Variants in AP1G2 observed in about 807,000 individuals in gnomAD.
AP1G2 encodes the protein adaptor related protein complex 1 subunit gamma 2, also known as AP-1 complex subunit gamma-like 2.
AP1G2 carries 85 observed loss-of-function variants against 95.8 expected under a neutral mutation model. The ratio of observed to expected loss-of-function variants is 0.89; its 90% CI spans 0.74 to 1.06. The LOEUF (loss-of-function observed/expected upper bound fraction) is 1.06. AP1G2 is among the 50% of genes least tolerant of loss of function. The pLI is 0.00. For missense variants in AP1G2, 967 were observed against 1,005.8 expected (o/e 0.96, Z 0.52); for synonymous variants, 378 against 400.0 (o/e 0.94, Z 0.66).
intron 6 of AP1G2, 54 bp downstream of exon 6, chr14:23,565,762 C>A: frequency 6.2e-7 from 1 of 1,608,314 alleles, no homozygotes; most frequent in South Asian, 1.1e-5. Context: ...AGCCCCATTC[C>A]TTCCCCACTG....
chr14:23,561,472 T>G, intron 18 of AP1G2, 40 bp downstream of exon 18: 1 of 1,614,068 alleles, frequency 6.2e-7, no homozygotes, highest in Non-Finnish European at 8.5e-7. Context: ...GGTATGAAGC[T>G]CAGCCCGTCT....
Position 23,566,397 on chromosome 14 carries a change from G to C in AP1G2, c.352C>G (p.Pro118Ala). 1 of 1,613,896 alleles carries C rather than the reference G, an allele frequency of 6.2e-7. No individual in the cohort carries two copies. The highest frequency in any genetic ancestry group is 1.3e-5 in the African/African-American group (1 of 75,050). The change falls in exon 4 of 22, where the codon CCA (proline) becomes GCA (alanine). Residue 118 changes from proline (P) to alanine (A), a missense_variant. Physicochemically the swap from Pro to Ala is conservative, Grantham distance 27 (BLOSUM62 -1). Transcript: ENST00000397120. Reference protein sequence around the residue: ...IKNDLSQGIQPVQGLALCTLS... With the variant: ...IKNDLSQGIQAVQGLALCTLS... ...GTGCACAAGGCCAGGCCTTGTACTG[G>C]CTGAATCCCCTGGCTCAGGTCACTG...
chr14:23,564,930 C>A, intron 8 of AP1G2, 189 bp downstream of exon 8: 1 of 661,518 alleles, frequency 1.5e-6, no homozygotes, highest in Non-Finnish European at 2.6e-6. Context: ...TACTATGTGC[C>A]AGGGCCAGCC....
rs541567290 is a variant in AP1G2 at position 23,562,325 on chromosome 14, G to A, written c.1591C>T (p.Leu531Phe). ...PATRGYALTALMKLSTRLCGD... is the reference protein window; with the variant it reads ...PATRGYALTAFMKLSTRLCGD... ...CAGAGGCGAGTGCTGAGCTTCATGA[G>A]GGCTGTGAGGGCATATCCTCGAGTG... The change falls in exon 16 of 22, where the codon CTC becomes TTC. Residue 531 changes from leucine to phenylalanine, a missense_variant. Coordinates refer to ENST00000397120, the MANE Select transcript of AP1G2 (RefSeq NM_003917.5). 1.2e-6 allele frequency: 2 copies of A among 1,614,228 alleles called. No individual in the cohort carries two copies. The highest frequency in any genetic ancestry group is 2.2e-5 in the South Asian group (2 of 91,088).
chr14:23,565,368 G>T, intron 7 of AP1G2, 169 bp from the exon 8 acceptor site: 1 of 758,428 alleles, frequency 1.3e-6, no homozygotes, highest in Non-Finnish European at 2.2e-6. Flanking sequence ...AGGTGTGTGA[G>T]GCCAGGGGAG....
chr14:23,563,807 C>T lies in AP1G2; in HGVS notation c.1141G>A (p.Ala381Thr). The change falls in exon 12 of 22, where the codon GCC becomes ACC. Residue 381 changes from alanine to threonine, a missense_variant. By Grantham distance (58) the Ala-to-Thr change is moderately conservative (BLOSUM62 0). Coordinates refer to ENST00000397120, the MANE Select transcript of AP1G2 (RefSeq NM_003917.5). ...AAGGCCTGCAGCTCTTGCATCATGGCTCGCACATTGGAGCTATTTACCAGA... is the reference window on the plus strand; with the variant it reads ...AAGGCCTGCAGCTCTTGCATCATGGTTCGCACATTGGAGCTATTTACCAGA... ...LALVNSSNVRAMMQELQAFLE... is the reference protein window; with the variant it reads ...LALVNSSNVRTMMQELQAFLE... 1.2e-6 allele frequency: 2 copies of T among 1,614,186 alleles called. No individual in the cohort carries two copies. The highest frequency in any genetic ancestry group is 1.1e-5 in the South Asian group (1 of 91,088).
rs761200974 is a variant in AP1G2, at chr14:23,559,980, G to A, written c.2214C>T (p.Gly738=). 1.2e-6 allele frequency: 2 copies of A among 1,612,944 alleles called. No individual in the cohort carries two copies. The highest frequency in any genetic ancestry group is 2.7e-5 in the African/African-American group (2 of 74,896). ...TTCTGAAGAGCTGGGTGATAGGAAG[G>A]CCACCCCGAGCTGGAACTGTGTTCC... The part of the protein sequence containing the change: ...PSGNTVPARG[G]LPITQLFRIL... The change falls in exon 21 of 22, where the codon GGC becomes GGT. Residue 738 remains glycine (G), a synonymous_variant. Coordinates refer to ENST00000397120, the MANE Select transcript of AP1G2 (RefSeq NM_003917.5).
chr14:23,565,078 C>A lies in AP1G2; in HGVS notation c.822+41G>T, dbSNP rs775196525. ...GAGGGGCACCCAGGGCTGATGGGGT[C>A]TCCAAGCAACACAGCTAACCAGTGC... is the stretch of plus-strand genomic sequence containing the variant. On this transcript the variant is annotated intron_variant, in intron 8 of 21. Coordinates refer to ENST00000397120, the MANE Select transcript of AP1G2 (RefSeq NM_003917.5). 1.9e-6 allele frequency: 3 copies of A among 1,604,946 alleles called. No individual in the cohort carries two copies. The Admixed American group carries it at 5.0e-5, about 27-fold the overall frequency.
chr14:23,565,256 G>T, intron 7 of AP1G2, 57 bp from the exon 8 acceptor site: 1 of 1,553,988 alleles, frequency 6.4e-7, no homozygotes, highest in Non-Finnish European at 8.8e-7. Context: ...GGAGTCGTGG[G>T]GCTGAGGAGA....
Position 23,559,733 on chromosome 14 carries a change from CTG to C in AP1G2, c.*14_*15del, listed in dbSNP as rs1432967757. 4 of 1,613,074 alleles carry C rather than the reference CTG, an allele frequency of 2.5e-6. No homozygotes were observed. The highest frequency in any genetic ancestry group is 3.4e-6 in the Non-Finnish European group (4 of 1,179,422). Reference sequence around the variant, plus strand: ...GTTTGGGACACAGGAGAATTTCAGGCTGTGAGTGGAGACAGTTACTGCCACGA... The same window carrying C: ...GTTTGGGACACAGGAGAATTTCAGGCTGAGTGGAGACAGTTACTGCCACGA... On this transcript the variant is annotated 3_prime_UTR_variant, in exon 22 of 22. Transcript: ENST00000397120.
In AP1G2 at chr14:23,567,016, A is replaced by G; in HGVS notation, c.204+95T>C. On this transcript the variant is annotated intron_variant, in intron 2 of 21. Transcript: ENST00000397120. The surrounding 1 kb of genome is among the most constrained non-coding windows in gnomAD (Gnocchi z 5.3). ...GCTGTGAAGACTCTGAAATTGTAGAATTTAAAAAACCAGGGCATAAACAGG... is the reference window on the plus strand; with the variant it reads ...GCTGTGAAGACTCTGAAATTGTAGAGTTTAAAAAACCAGGGCATAAACAGG... 8.9e-6 allele frequency: 12 copies of G among 1,344,738 alleles called. No individual in the cohort carries two copies. In the South Asian group the frequency reaches 1.2e-4, roughly 14 times the overall value. The allele number at this position is 1,344,738 out of a possible 1,614,324, so 83.3% of individuals were successfully genotyped here.
chr14:23,563,881 G>A, intron 11 of AP1G2, 25 bp from the exon 12 acceptor site: 8 of 1,610,954 alleles, frequency 5.0e-6, no homozygotes, highest in South Asian at 1.1e-5. Context: ...AGGTTTCCAT[G>A]CAGGTAGCCC....
At chr14:23,563,151 T>C (rs1885937942) in intron 14 of AP1G2, 2 of 1,418,494 alleles carry the variant, frequency 1.4e-6, no homozygotes, top group Non-Finnish European at 1.8e-6. Context: ...TCAGGGTACA[T>C]GGAGCATAAG....
chr14:23,567,445 T>C lies in AP1G2; in HGVS notation c.-5-126A>G. 1 of 1,412,654 alleles carries C rather than the reference T, an allele frequency of 7.1e-7. No homozygotes were observed. The allele number at this position is 1,412,654 out of a possible 1,614,324, so 87.5% of individuals were successfully genotyped here. ...CAGGTACCCTAAAATTGCGCCCGCA[T>C]TTTACCTTTCCCGAAGTGGGTCTCC... On this transcript the variant is annotated intron_variant, in intron 1 of 21. Transcript: ENST00000397120. The surrounding 1 kb of genome is among the most constrained non-coding windows in gnomAD (Gnocchi z 5.3).
intron 17 of AP1G2, 157 bp from the exon 18 acceptor site, chr14:23,561,792 A>G: frequency 6.8e-7 from 1 of 1,464,552 alleles, no homozygotes; most frequent in African/African-American, 1.4e-5. Flanking sequence ...TGATTTTCAG[A>G]TGAACAAGGA....
In AP1G2 at chr14:23,567,249, G is replaced by A. The variant is rs546336450; in HGVS notation, c.66C>T (p.Ala22=). 17 of 1,612,960 alleles carry A rather than the reference G, an allele frequency of 1.1e-5. No homozygotes were observed. The East Asian group carries it at 3.6e-4, about 34-fold the overall frequency. ...IEEIRGAKTQ[A]QEREVIQKEC... ...CCTTTTGGATCACCTCCCGCTCCTG[G>A]GCCTGAGTCTTGGCCCCGCGAATCT... is the stretch of plus-strand genomic sequence containing the variant. Residue 22 remains alanine, a synonymous_variant, in exon 2 of 22, where the codon GCC becomes GCT. Coordinates refer to ENST00000397120, the MANE Select transcript of AP1G2 (RefSeq NM_003917.5). This position sits in a 1 kb window ranked among gnomAD's most constrained non-coding sequence, Gnocchi z 5.3.
At chr14:23,560,735 C>T (rs185484681) in intron 19 of AP1G2, 216 of 148,722 alleles carry the variant, frequency 1.5e-3, no homozygotes, top group African/African-American at 5.9e-3. Flanking sequence ...GCCGAGATCA[C>T]GCCACTGCAC....
chr14:23,565,304 G>A, intron 7 of AP1G2, 105 bp from the exon 8 acceptor site: 1 of 1,221,646 alleles, frequency 8.2e-7, no homozygotes, highest in Non-Finnish European at 1.2e-6. Context: ...GCTCCCTAGA[G>A]CCTTCCCCCA....
chr14:23,564,000 C>T, intron 11 of AP1G2, 46 bp downstream of exon 11: 1 of 1,611,396 alleles, frequency 6.2e-7, no homozygotes, highest in African/African-American at 1.3e-5. Context: ...CCACAGGGCA[C>T]TGGGAACCTC....
Sources: gnomAD v4.1 joint callset for allele counts on GRCh38, gnomAD v4.1.1 for gene constraint, Gnocchi (gnomAD v3.1) non-coding constraint, MANE v1.5 for transcripts, NCBI Gene and HGNC (gene_info 2026-07-23, HGNC 2026-07-21) for gene names.